BLK: variants seen among roughly 807,000 people sequenced by gnomAD.
The protein encoded by BLK is tyrosine-protein kinase Blk.
Under a neutral mutation model 61.8 loss-of-function variants are expected in BLK, and 64 were observed. That is an observed-to-expected ratio of 1.03 (90% confidence interval 0.85 to 1.27). BLK has a LOEUF of 1.27. Ranked by LOEUF, BLK falls within the 50% of genes most tolerant of loss-of-function variation. BLK has a pLI of 0.00. For synonymous variants in BLK, 351 were observed against 272.0 expected (o/e 1.29, Z -2.86); for missense variants, 853 against 660.5 (o/e 1.29, Z -3.19).
chr8:11,551,893 TGA>T (rs1464203876), intron 6 of BLK, among the ~76,000 whole-genome samples: 2 of 152,144 alleles, frequency 1.3e-5, no homozygotes, highest in African/African-American at 4.8e-5. Flanking sequence ...TCTAAGAGGC[TGA>T]GAGGCTTCCC....
chr8:11,497,343 G>C (rs144582295), intron 1 of BLK, among the ~76,000 whole-genome samples: 2 of 152,108 alleles, frequency 1.3e-5, no homozygotes, highest in Non-Finnish European at 2.9e-5. Flanking sequence ...GTTCCCTGGC[G>C]TGCTCCTGCT....
At chr8:11,507,679 A>G (rs1205194937) in intron 1 of BLK, among the ~76,000 whole-genome samples, 1 of 152,206 alleles carries the variant, frequency 6.6e-6, no homozygotes, top group Non-Finnish European at 1.5e-5. Context: ...GGTCCATGTC[A>G]ACATACAGCT....
intron 1 of BLK, among the ~76,000 whole-genome samples, chr8:11,500,000 G>T (rs190166374): frequency 3.3e-5 from 5 of 152,082 alleles, no homozygotes; most frequent in Admixed American, 3.3e-4. Flanking sequence ...ATACAAGCAG[G>T]ACAGCATTTC....
chr8:11,527,711 G>C (rs1167879266), intron 1 of BLK, among the ~76,000 whole-genome samples: 1 of 151,348 alleles, frequency 6.6e-6, no homozygotes, highest in Admixed American at 6.6e-5. Flanking sequence ...CACAGGACAA[G>C]TTGAGTCATG....
At chr8:11,532,068 AG>A (rs1162632134) in intron 1 of BLK, among the ~76,000 whole-genome samples, 2 of 152,164 alleles carry the variant, frequency 1.3e-5, no homozygotes, top group Non-Finnish European at 2.9e-5. Flanking sequence ...CATGTTGGCC[AG>A]GCTGGTCTCA....
At chr8:11,543,120 C>A (rs935078622) in intron 1 of BLK, 104 bp from the exon 2 acceptor site, 8 of 1,583,118 alleles carry the variant, frequency 5.1e-6, no homozygotes, top group Non-Finnish European at 6.9e-6. Context: ...ACTTCCACCC[C>A]ACCTTTCTAA....
At chr8:11,522,332 C>G (rs193271161) in intron 1 of BLK, among the ~76,000 whole-genome samples, 2 of 152,234 alleles carry the variant, frequency 1.3e-5, no homozygotes, top group East Asian at 3.9e-4. Context: ...ATTACCTATT[C>G]CACTAGTAAA....
chr8:11,546,187 C>A, intron 3 of BLK, 84 bp downstream of exon 3: 1 of 1,513,860 alleles, frequency 6.6e-7, no homozygotes, highest in Non-Finnish European at 9.2e-7. Flanking sequence ...AAGGTTGAGT[C>A]AGGAGCAGCT....
chr8:11,502,756 C>T (rs1227452402), intron 1 of BLK, among the ~76,000 whole-genome samples: 1 of 152,212 alleles, frequency 6.6e-6, no homozygotes, highest in African/African-American at 2.4e-5. Context: ...AGGGTCCTGC[C>T]TGCAGCCAAG....
In BLK at chr8:11,554,762, G is replaced by C. The variant is rs1801109751; in HGVS notation, c.492G>C (p.Val164=). 6.2e-7 allele frequency: 1 copy of C among 1,613,882 alleles called. No individual in the cohort carries two copies. The highest frequency in any genetic ancestry group is 2.2e-5 in the East Asian group (1 of 44,878). Residue 164 remains valine (V), a synonymous_variant, in exon 7 of 13, where the codon GTG becomes GTC. Coordinates refer to ENST00000259089, the MANE Select transcript of BLK (RefSeq NM_001715.3). ...CTCCAGGTGCCTTCTCCCTGTCTGT[G>C]AAGGATGTCACCACCCAGGGGGAGC... is the stretch of plus-strand genomic sequence containing the variant. ...ETNKGAFSLS[V]KDVTTQGELI... is the part of the protein sequence containing the mutation.
At chr8:11,512,047 T>G (rs1799030134) in intron 1 of BLK, among the ~76,000 whole-genome samples, 1 of 152,218 alleles carries the variant, frequency 6.6e-6, no homozygotes, top group African/African-American at 2.4e-5. Flanking sequence ...TATCAAGTGG[T>G]AAGATGGGGC....
chr8:11,517,576 G>C (rs756744612), intron 1 of BLK, among the ~76,000 whole-genome samples: 1 of 152,184 alleles, frequency 6.6e-6, no homozygotes, highest in Non-Finnish European at 1.5e-5. Context: ...CTTCCTCCCC[G>C]GCCTCATCTG....
chr8:11,518,639 C>G (rs910559582), intron 1 of BLK, among the ~76,000 whole-genome samples: 2 of 152,160 alleles, frequency 1.3e-5, no homozygotes, highest in African/African-American at 4.8e-5. Flanking sequence ...CACCCGCACC[C>G]CACAATCTCC....
At chr8:11,527,838 G>T (rs1403156910) in intron 1 of BLK, among the ~76,000 whole-genome samples, 1 of 151,902 alleles carries the variant, frequency 6.6e-6, no homozygotes, top group Non-Finnish European at 1.5e-5. Flanking sequence ...TTATCTACAG[G>T]ACCAAATGGG....
In BLK at chr8:11,549,066, A is replaced by T. The variant is rs1585398215; in HGVS notation, c.312A>T (p.Arg104Ser). 6.2e-7 allele frequency: 1 copy of T among 1,611,884 alleles called. No individual in the cohort carries two copies. Reference sequence around the variant, plus strand: ...TGGCCAGGTCACTCGTCACAGGAAGAGAAGGCTATGTGCCCAGTAACTTTG... The same window carrying T: ...TGGCCAGGTCACTCGTCACAGGAAGTGAAGGCTATGTGCCCAGTAACTTTG... ...WWLARSLVTG[R>S]EGYVPSNFVA... The change falls in exon 5 of 13, where the codon AGA becomes AGT. Residue 104 changes from arginine to serine, a missense_variant. Transcript: ENST00000259089.
intron 11 of BLK, among the ~76,000 whole-genome samples, chr8:11,561,673 A>G (rs1210926301): frequency 2.0e-5 from 3 of 152,182 alleles, no homozygotes; most frequent in African/African-American, 7.2e-5. Context: ...AGGATAAGGT[A>G]GGTTTGGAGA....
rs1048665719 is a variant in BLK at position 11,534,332 on chromosome 8, G to C, written c.-1-8892G>C. Among the ~76,000 whole-genome samples, 3 of 152,250 alleles carry C rather than the reference G, an allele frequency of 2.0e-5. No homozygotes were observed. The East Asian group carries it at 5.8e-4, about 29-fold the overall frequency. On this transcript the variant is annotated intron_variant, in intron 1 of 12. Transcript: ENST00000259089. Reference sequence around the variant, plus strand: ...CAACTGTAGTTGGATTAACATTTTGGCATATTGCTAACATATTTTAATAAT... The same window carrying C: ...CAACTGTAGTTGGATTAACATTTTGCCATATTGCTAACATATTTTAATAAT...
intron 1 of BLK, among the ~76,000 whole-genome samples, chr8:11,508,868 G>A (rs1798883170): frequency 1.3e-5 from 2 of 152,218 alleles, no homozygotes; most frequent in Admixed American, 1.3e-4. Flanking sequence ...CGTGGTGGAG[G>A]GGTTTTCTCA....
At chr8:11,548,237 C>T (rs2117483709) in intron 4 of BLK, 112 bp downstream of exon 4, 3 of 909,830 alleles carry the variant, frequency 3.3e-6, no homozygotes, top group Middle Eastern at 3.2e-4. Flanking sequence ...TTCTCCATCG[C>T]CCTGCCCCCA....
Sources: allele counts gnomAD v4.1 joint callset (sites outside exome capture counted in the v4.1 genomes callset), GRCh38; gene constraint gnomAD v4.1.1; transcripts MANE v1.5; gene names NCBI Gene and HGNC (gene_info 2026-07-23, HGNC 2026-07-21).